HPCAL1: variants seen among roughly 807,000 people sequenced by gnomAD.
The protein encoded by HPCAL1 is hippocalcin-like protein 1.
HPCAL1 carries 8 observed loss-of-function variants against 17.1 expected under a neutral mutation model. The ratio of observed to expected loss-of-function variants is 0.47; its 90% CI spans 0.27 to 0.84. The LOEUF is 0.84. Ranked by LOEUF, HPCAL1 falls within the 40% of genes least tolerant of loss-of-function variation. HPCAL1 has a pLI of 0.13. For missense variants in HPCAL1, 165 were observed against 271.1 expected, an observed-to-expected ratio of 0.61 and a Z score of 2.75; for synonymous variants, 112 against 111.4, an observed-to-expected ratio of 1.01 and a Z score of -0.03.
intron 1 of HPCAL1, among the ~76,000 whole-genome samples, chr2:10,329,750 C>T (rs566992923): frequency 6.6e-6 from 1 of 152,334 alleles, no homozygotes; most frequent in African/African-American, 2.4e-5. Context: ...CCTGCCCAGG[C>T]CCAGATCCTG....
chr2:10,312,579 A>G (rs1663054999), intron 1 of HPCAL1, among the ~76,000 whole-genome samples: 1 of 150,040 alleles, frequency 6.7e-6, no homozygotes, highest in Non-Finnish European at 1.5e-5. Context: ...CCTCATCATC[A>G]TCACCATCAC....
At position 10,394,132 on chromosome 2, in the gene HPCAL1, A is replaced by T. The variant is rs1397250318; in HGVS notation, c.-110-2703A>T. Among the ~76,000 whole-genome samples, 1 of 19,662 alleles carries T rather than the reference A, an allele frequency of 5.1e-5. No individual in the cohort carries two copies. The highest frequency in any genetic ancestry group is 8.5e-5 in the Non-Finnish European group (1 of 11,760). 12.9% of individuals were successfully genotyped at this position (19,662 alleles called of 152,430 possible). A position where few individuals can be genotyped will look rare whatever the true frequency, so the allele number is the denominator to read the frequency against. ...CCTGTCTCCTGAAAAACAAACAAAC[A>T]AAAAAAAAACCTTGTAACTAACCAG... On this transcript the variant is annotated intron_variant, in intron 1 of 4. Transcript: ENST00000307845. This position sits in a 1 kb window ranked among gnomAD's most constrained non-coding sequence, Gnocchi z 5.0.
At chr2:10,418,457 A>C (rs1670819134) in intron 2 of HPCAL1, among the ~76,000 whole-genome samples, 1 of 150,466 alleles carries the variant, frequency 6.6e-6, no homozygotes, top group South Asian at 2.1e-4. Context: ...AAAAAAAAAA[A>C]AAAAAAAAAA....
chr2:10,399,575 C>T (rs75743463), intron 2 of HPCAL1, among the ~76,000 whole-genome samples: 1,471 of 43,692 alleles, frequency 0.034, 97 homozygotes, highest in African/African-American at 0.11. Context: ...CCGCCACCAC[C>T]ACCGCCACCG....
chr2:10,369,448 A>G (rs979823369), intron 1 of HPCAL1, among the ~76,000 whole-genome samples: 1 of 152,222 alleles, frequency 6.6e-6, no homozygotes, highest in African/African-American at 2.4e-5. Context: ...CTCTGAGTCC[A>G]TAGTACTTGC....
intron 1 of HPCAL1, among the ~76,000 whole-genome samples, chr2:10,314,000 G>A (rs1202845898): frequency 5.3e-5 from 8 of 151,768 alleles, no homozygotes; most frequent in African/African-American, 9.7e-5. Context: ...GCTTGGTGGC[G>A]GGCGCCTGTA....
At chr2:10,315,067 G>A (rs542065520) in intron 1 of HPCAL1, among the ~76,000 whole-genome samples, 14 of 152,078 alleles carry the variant, frequency 9.2e-5, no homozygotes, top group Non-Finnish European at 2.1e-4. Context: ...CGAGGCGGGC[G>A]GATCATGAAG....
At chr2:10,390,720 C>T (rs1285812785) in intron 1 of HPCAL1, among the ~76,000 whole-genome samples, 1 of 152,140 alleles carries the variant, frequency 6.6e-6, no homozygotes, top group African/African-American at 2.4e-5. Flanking sequence ...TTTTCCAGTA[C>T]CCTTTCCCAA....
At chr2:10,306,551 T>C (rs1572600619) in intron 1 of HPCAL1, among the ~76,000 whole-genome samples, 1 of 152,174 alleles carries the variant, frequency 6.6e-6, no homozygotes, top group African/African-American at 2.4e-5. Context: ...AGGGTGGCTG[T>C]ATATGGAGAC....
chr2:10,352,172 G>A (rs147122916), intron 1 of HPCAL1, among the ~76,000 whole-genome samples: 6 of 152,160 alleles, frequency 3.9e-5, no homozygotes, highest in Admixed American at 3.9e-4. Flanking sequence ...CAAAGTGCTG[G>A]GATTACACAG....
At chr2:10,421,488 C>A (rs550587230) in intron 3 of HPCAL1, among the ~76,000 whole-genome samples, 3 of 152,034 alleles carry the variant, frequency 2.0e-5, no homozygotes, top group African/African-American at 7.2e-5. Context: ...ATCGCGTGAG[C>A]CCGGGAGTTT....
intron 1 of HPCAL1, among the ~76,000 whole-genome samples, chr2:10,322,779 A>G (rs770514875): frequency 8.5e-5 from 13 of 152,196 alleles, no homozygotes; most frequent in Non-Finnish European, 1.9e-4. Flanking sequence ...CTACCGCCTG[A>G]ACCTTGGATC....
intron 1 of HPCAL1, among the ~76,000 whole-genome samples, chr2:10,346,786 C>T (rs1665486838): frequency 6.6e-6 from 1 of 151,814 alleles, no homozygotes; most frequent in Admixed American, 6.6e-5. Flanking sequence ...CCCCTTCCTC[C>T]CCTTCCTTCT....
At chr2:10,332,950 A>C (rs958644322) in intron 1 of HPCAL1, among the ~76,000 whole-genome samples, 4 of 143,186 alleles carry the variant, frequency 2.8e-5, no homozygotes, top group Admixed American at 6.9e-5. Context: ...AGCCTGAGTG[A>C]AGTTTGATCT....
At position 10,365,325 on chromosome 2, in the gene HPCAL1, G is replaced by T. The variant is rs1056548071; in HGVS notation, c.-110-31510G>T. ...TGCACCTGCCTCCAGGTGGTGGCGC[G>T]GTAATTGCAAGAGCGTGAGCCCCTC... On this transcript the variant is annotated intron_variant, in intron 1 of 4. Coordinates refer to ENST00000307845, the MANE Select transcript of HPCAL1 (RefSeq NM_002149.4). This position sits in a 1 kb window ranked among gnomAD's most constrained non-coding sequence, Gnocchi z 4.8. Among the ~76,000 whole-genome samples the T allele has an allele frequency of 6.6e-6, 1 of 152,184 alleles. No individual in the cohort carries two copies. The highest frequency in any genetic ancestry group is 1.5e-5 in the Non-Finnish European group (1 of 68,034).
At chr2:10,400,982 C>T (rs1307805039) in intron 2 of HPCAL1, among the ~76,000 whole-genome samples, 1 of 152,236 alleles carries the variant, frequency 6.6e-6, no homozygotes, top group African/African-American at 2.4e-5. Flanking sequence ...CCCACATGAG[C>T]AAGACCGGCC....
intron 1 of HPCAL1, among the ~76,000 whole-genome samples, chr2:10,320,385 T>C (rs1463393011): frequency 6.6e-6 from 1 of 152,070 alleles, no homozygotes; most frequent in Non-Finnish European, 1.5e-5. Flanking sequence ...TGATAGTGAG[T>C]GAGTTCTCAC....
intron 2 of HPCAL1, among the ~76,000 whole-genome samples, chr2:10,415,796 C>T (rs929614137): frequency 6.6e-6 from 1 of 152,232 alleles, no homozygotes; most frequent in African/African-American, 2.4e-5. Context: ...TCTGAGCCCA[C>T]ACTCAATGCC....
chr2:10,332,410 C>T (rs1002854920), intron 1 of HPCAL1, among the ~76,000 whole-genome samples: 1 of 152,306 alleles, frequency 6.6e-6, no homozygotes, highest in Middle Eastern at 3.4e-3. Context: ...GCCCCTGGCC[C>T]GCCCCTCTGC....
Sources: allele counts gnomAD v4.1 joint callset (sites outside exome capture counted in the v4.1 genomes callset), GRCh38; gene constraint gnomAD v4.1.1; non-coding constraint Gnocchi (gnomAD v3.1); transcripts MANE v1.5; gene names NCBI Gene and HGNC (gene_info 2026-07-23, HGNC 2026-07-21).